The following USP8 variants were observed in gnomAD, a reference collection of about 807,000 sequenced individuals.
The protein encoded by USP8 is ubiquitin carboxyl-terminal hydrolase 8.
In USP8, 27 loss-of-function variants were observed where a neutral mutation model predicts 130.0. The ratio of observed to expected loss-of-function variants is 0.21; its 90% CI spans 0.15 to 0.29. USP8 has a LOEUF of 0.29. USP8 is among the 10% of genes least tolerant of loss of function. The pLI is 1.00. For synonymous variants in USP8, 392 were observed against 444.1 expected, an observed-to-expected ratio of 0.88 and a Z score of 1.48; for missense variants, 1,029 against 1,312.2, an observed-to-expected ratio of 0.78 and a Z score of 3.33.
Position 50,439,022 on chromosome 15 carries a change from G to A in USP8, c.-52G>A. 1 of 1,289,030 alleles carries A rather than the reference G, an allele frequency of 7.8e-7. No individual in the cohort carries two copies. Among genetic ancestry groups the A allele is most frequent in the Non-Finnish European group, 1.1e-6 (1 of 902,954 alleles). 79.8% of individuals were successfully genotyped at this position (1,289,030 alleles called of 1,614,324 possible). A position where few individuals can be genotyped will look rare whatever the true frequency, so the allele number is the denominator to read the frequency against. ...TATTTGTTTCAGGAAAGAAGCACTT[G>A]TAAGGAAATATAGCATCCATTGTGA... On this transcript the variant is annotated 5_prime_UTR_variant, in exon 2 of 20. Coordinates refer to ENST00000307179, the MANE Select transcript of USP8 (RefSeq NM_005154.5).
chr15:50,497,986 C>G (rs1188520944), intron 18 of USP8, among the ~76,000 whole-genome samples: 2 of 152,098 alleles, frequency 1.3e-5, no homozygotes. Flanking sequence ...CTAACAAAAG[C>G]TAGTTTTTTC....
At chr15:50,466,918 CTT>C (rs2051209185) in intron 7 of USP8, 2 of 424,524 alleles carry the variant, frequency 4.7e-6, no homozygotes, top group South Asian at 2.1e-5. Context: ...CCTACTAAGA[CTT>C]TGAGAATCGC....
chr15:50,466,090 A>G (rs1487446718), intron 7 of USP8, among the ~76,000 whole-genome samples: 2 of 152,196 alleles, frequency 1.3e-5, no homozygotes, highest in East Asian at 1.9e-4. Flanking sequence ...ATTGGAAATC[A>G]TGGCATAGTG....
chr15:50,459,202 G>A (rs1407404716), intron 5 of USP8, 40 bp downstream of exon 5: 1 of 1,570,130 alleles, frequency 6.4e-7, no homozygotes, highest in Non-Finnish European at 8.6e-7. Flanking sequence ...GACTGTTTCT[G>A]CTTGTTAGAT....
At chr15:50,458,752 A>C (rs1343900925) in intron 4 of USP8, among the ~76,000 whole-genome samples, 3 of 152,218 alleles carry the variant, frequency 2.0e-5, no homozygotes, top group Non-Finnish European at 4.4e-5. Context: ...AATTAGTAGG[A>C]GAGAAAGAGC....
At chr15:50,492,435 A>C (rs1363898654) in intron 14 of USP8, among the ~76,000 whole-genome samples, 1 of 152,182 alleles carries the variant, frequency 6.6e-6, no homozygotes, top group African/African-American at 2.4e-5. Flanking sequence ...GAGATAATCT[A>C]TCTCAAGGTG....
At position 50,457,278 on chromosome 15, in the gene USP8, A is replaced by AGGT. The variant is rs1403528868; in HGVS notation, c.336-1720_336-1718dup. 2.6e-5 allele frequency among the ~76,000 whole-genome samples: 4 copies of AGGT among 152,010 alleles called. No individual in the cohort carries two copies. In the East Asian group the frequency reaches 5.8e-4, roughly 22 times the overall value. On this transcript the variant is annotated intron_variant, in intron 4 of 19. Coordinates refer to ENST00000307179, the MANE Select transcript of USP8 (RefSeq NM_005154.5). ...TTCACTCAAAAGAGCATATAAGACC[A>AGGT]GGTGCGGTGGCTCACACACCTGTAA...
At position 50,507,853 on chromosome 15, in the gene USP8, G is replaced by A. The variant is rs919259774; in HGVS notation, c.*8765G>A. 5 of 152,002 alleles carry A rather than the reference G, an allele frequency of 3.3e-5. No homozygotes were observed. Among genetic ancestry groups the A allele is most frequent in the South Asian group, 2.1e-4 (1 of 4,806 alleles). The allele number at this position is 152,002 out of a possible 1,614,324, so 9.4% of individuals were successfully genotyped here. A position where few individuals can be genotyped will look rare whatever the true frequency, so the allele number is the denominator to read the frequency against. ...TGGGAGGCCAAGGCAGGCGAATCAC[G>A]AGGTCAGGAGTTCGAGACCAGCCTG... On this transcript the variant is annotated 3_prime_UTR_variant, in exon 20 of 20. Coordinates refer to ENST00000307179, the MANE Select transcript of USP8 (RefSeq NM_005154.5).
chr15:50,490,543 C>T lies in USP8; in HGVS notation c.2234+18C>T, dbSNP rs750287961. On this transcript the variant is annotated intron_variant, in intron 14 of 19. Transcript: ENST00000307179. ...GAAAACAAGTATGTTTATCTTAACT[C>T]CTAGAACTAAAATAATGTGCTGTAT... 6.2e-6 allele frequency: 10 copies of T among 1,609,368 alleles called. No individual in the cohort carries two copies. The South Asian group carries it at 1.1e-4, about 18-fold the overall frequency.
intron 1 of USP8, chr15:50,432,342 C>T (rs2049959883): frequency 6.6e-6 from 1 of 152,182 alleles, no homozygotes; most frequent in South Asian, 2.1e-4. Flanking sequence ...CTTTAGGCAA[C>T]AACAATACTC....
chr15:50,495,944 G>A lies in USP8; in HGVS notation c.2755G>A (p.Glu919Lys), dbSNP rs1265483948. ...HAWQKHKQLN[E>K]SIIVALFQGQ... ...CTGGCAGAAACACAAGCAGCTCAATGAGTCTATTATTGTTGCACTTTTTCA... is the reference window on the plus strand; with the variant it reads ...CTGGCAGAAACACAAGCAGCTCAATAAGTCTATTATTGTTGCACTTTTTCA... Residue 919 changes from glutamate to lysine, a missense_variant, in exon 17 of 20, where the codon GAG (glutamate) becomes AAG (lysine). By Grantham distance (56) the Glu-to-Lys change is moderately conservative (BLOSUM62 1). Coordinates refer to ENST00000307179, the MANE Select transcript of USP8 (RefSeq NM_005154.5). The A allele has an allele frequency of 6.2e-7, 1 of 1,613,818 alleles. No individual in the cohort carries two copies. Among genetic ancestry groups the A allele is most frequent in the Non-Finnish European group, 8.5e-7 (1 of 1,180,020 alleles).
intron 4 of USP8, among the ~76,000 whole-genome samples, chr15:50,454,480 C>T (rs1412720219): frequency 2.5e-4 from 35 of 137,880 alleles, no homozygotes; most frequent in African/African-American, 8.5e-4. Context: ...CAGATGGAGT[C>T]TCACTCTGTC....
At chr15:50,444,401 A>G (rs1276666334) in intron 3 of USP8, among the ~76,000 whole-genome samples, 2 of 145,854 alleles carry the variant, frequency 1.4e-5, no homozygotes, top group African/African-American at 5.0e-5. Context: ...CACCATGCCC[A>G]ACCAGTTTTT....
chr15:50,445,847 A>G (rs2050421674), intron 3 of USP8, among the ~76,000 whole-genome samples: 1 of 146,520 alleles, frequency 6.8e-6, no homozygotes, highest in Non-Finnish European at 1.5e-5. Flanking sequence ...ACAGAGCAAG[A>G]CTCCGTCTCA....
chr15:50,460,763 TAA>T (rs2050966605), intron 5 of USP8, among the ~76,000 whole-genome samples: 1 of 152,198 alleles, frequency 6.6e-6, no homozygotes, highest in South Asian at 2.1e-4. Flanking sequence ...TCCTAAAATA[TAA>T]GTTGAAATCC....
intron 12 of USP8, among the ~76,000 whole-genome samples, chr15:50,485,909 A>C (rs938782234): frequency 6.6e-6 from 1 of 152,150 alleles, no homozygotes; most frequent in Admixed American, 6.6e-5. Context: ...ACACAATGTA[A>C]ATGCTATGAA....
intron 11 of USP8, among the ~76,000 whole-genome samples, chr15:50,482,463 CA>C (rs1246978014): frequency 1.3e-5 from 2 of 152,054 alleles, no homozygotes; most frequent in Non-Finnish European, 2.9e-5. Context: ...AGAATATATC[CA>C]AAATCAGTGA....
intron 15 of USP8, chr15:50,493,740 C>A: frequency 2.5e-6 from 1 of 397,370 alleles, no homozygotes; most frequent in South Asian, 2.0e-5. Context: ...AGAATGAGAC[C>A]CTATCTCAAA....
At chr15:50,498,451 T>C (rs2052497258) in intron 18 of USP8, 145 bp from the exon 19 acceptor site, 1 of 1,085,252 alleles carries the variant, frequency 9.2e-7, no homozygotes, top group Non-Finnish European at 1.3e-6. Flanking sequence ...CAAATGTCTT[T>C]AACAGGTTCC....
Sources: gnomAD v4.1 joint callset for allele counts (sites outside exome capture counted in the v4.1 genomes callset) on GRCh38, gnomAD v4.1.1 for gene constraint, MANE v1.5 for transcripts, NCBI Gene and HGNC (gene_info 2026-07-23, HGNC 2026-07-21) for gene names.